ADAM32: variants seen among roughly 807,000 people sequenced by gnomAD.
ADAM32 encodes disintegrin and metalloproteinase domain-containing protein 32.
A neutral mutation model predicts 114.9 loss-of-function variants in ADAM32; 89 were observed. The observed-to-expected ratio is 0.77, with a 90% CI of 0.65 to 0.92. The LOEUF (loss-of-function observed/expected upper bound fraction) is 0.92. Ranked by LOEUF, ADAM32 falls within the 40% of genes least tolerant of loss-of-function variation. The pLI is 0.00. For synonymous variants in ADAM32, 285 were observed against 307.5 expected (o/e 0.93, Z 0.77); for missense variants, 870 against 932.8 (o/e 0.93, Z 0.88).
rs1554628771 is a variant in ADAM32 at position 39,270,864 on chromosome 8, A to G, written c.2163-12A>G. ...TAAGTACTAACATGAGACATTTTCA[A>G]TTTCTTTTTAGATCTAAATCGGAAG... On this transcript the variant is annotated splice_polypyrimidine_tract_variant and intron_variant, in intron 19 of 24. Coordinates refer to ENST00000379907, the MANE Select transcript of ADAM32 (RefSeq NM_145004.7). 5 of 1,600,928 alleles carry G rather than the reference A, an allele frequency of 3.1e-6. No homozygotes were observed. The highest frequency in any genetic ancestry group is 3.3e-4 in the Middle Eastern group (2 of 6,042).
chr8:39,195,607 G>C (rs1359741414), intron 11 of ADAM32, among the ~76,000 whole-genome samples: 1 of 152,120 alleles, frequency 6.6e-6, no homozygotes, highest in Non-Finnish European at 1.5e-5. Context: ...TTTTGTATGT[G>C]GTTAGAGATA....
chr8:39,183,899 A>C (rs1806063762), intron 10 of ADAM32, among the ~76,000 whole-genome samples: 1 of 152,262 alleles, frequency 6.6e-6, no homozygotes, highest in South Asian at 2.1e-4. Context: ...GTCGTGCTTC[A>C]GAATCACTGC....
intron 3 of ADAM32, among the ~76,000 whole-genome samples, chr8:39,145,019 T>C (rs1803413801): frequency 1.3e-5 from 2 of 152,094 alleles, no homozygotes; most frequent in East Asian, 3.8e-4. Context: ...TTCTATACAT[T>C]AATAAGAAAT....
At chr8:39,244,028 T>G (rs1810733473) in intron 16 of ADAM32, among the ~76,000 whole-genome samples, 1 of 152,114 alleles carries the variant, frequency 6.6e-6, no homozygotes. Flanking sequence ...TTCAACCCCT[T>G]TTATGGTAGG....
In ADAM32 at chr8:39,107,812, G is replaced by T; in HGVS notation, c.37G>T (p.Gly13Cys). 6.5e-7 allele frequency: 1 copy of T among 1,548,616 alleles called. No individual in the cohort carries two copies. ...CTGGTTGCTGCTGGCCGGGCTCTGC[G>T]GCCTCCTGGCGTCAAGACCCGGTGA... ...RLWLLLAGLC[G>C]LLASRPGFQN... The change falls in exon 1 of 25, where the codon GGC (glycine) becomes TGC (cysteine). Residue 13 changes from glycine (G) to cysteine (C), a missense_variant. Gly to Cys is a radical substitution (Grantham distance 159, BLOSUM62 -3). Transcript: ENST00000379907.
intron 11 of ADAM32, among the ~76,000 whole-genome samples, chr8:39,203,966 C>G (rs1165399685): frequency 6.6e-6 from 1 of 152,208 alleles, no homozygotes; most frequent in Non-Finnish European, 1.5e-5. Context: ...GGCCCCCACT[C>G]TCTTCTGGCT....
At chr8:39,135,725 G>A (rs536009922) in intron 2 of ADAM32, among the ~76,000 whole-genome samples, 89 of 152,220 alleles carry the variant, frequency 5.8e-4, no homozygotes, top group African/African-American at 2.0e-3. Context: ...ACAGTTCTGA[G>A]GAGGTCAGGT....
intron 6 of ADAM32, chr8:39,157,818 T>C (rs922377766): frequency 1.5e-5 from 14 of 937,170 alleles, no homozygotes; most frequent in Admixed American, 1.3e-4. Context: ...TGTCAGGTTA[T>C]AGTCAGTGGA....
chr8:39,237,518 T>C (rs1160878840), intron 16 of ADAM32, among the ~76,000 whole-genome samples: 2 of 151,392 alleles, frequency 1.3e-5, no homozygotes, highest in Non-Finnish European at 2.9e-5. Flanking sequence ...GGATATACAC[T>C]GGGCTGTGTT....
intron 11 of ADAM32, among the ~76,000 whole-genome samples, chr8:39,205,216 C>T (rs1416373783): frequency 6.6e-6 from 1 of 152,258 alleles, no homozygotes; most frequent in Non-Finnish European, 1.5e-5. Context: ...CTATGTGCTG[C>T]TCCCAGAGGT....
At chr8:39,240,506 G>T (rs1810488363) in intron 16 of ADAM32, among the ~76,000 whole-genome samples, 3 of 152,194 alleles carry the variant, frequency 2.0e-5, no homozygotes, top group Admixed American at 2.0e-4. Flanking sequence ...TAAGGTCATT[G>T]TCATTGTATT....
intron 20 of ADAM32, among the ~76,000 whole-genome samples, chr8:39,273,071 A>G (rs149917549): frequency 2.0e-5 from 3 of 152,272 alleles, no homozygotes; most frequent in East Asian, 1.9e-4. Flanking sequence ...TTCAGAATCA[A>G]TGACATACCT....
At chr8:39,275,592 G>A (rs1001765896) in intron 21 of ADAM32, among the ~76,000 whole-genome samples, 2 of 152,166 alleles carry the variant, frequency 1.3e-5, no homozygotes, top group African/African-American at 4.8e-5. Context: ...CAGTTTTCTT[G>A]TTCCTCTGCT....
intron 11 of ADAM32, 53 bp downstream of exon 11, chr8:39,187,098 A>C (rs75679033): frequency 2.7e-6 from 4 of 1,503,302 alleles, no homozygotes; most frequent in Non-Finnish European, 3.6e-6. Flanking sequence ...TTAAATATTC[A>C]GAGTGTGAAA....
chr8:39,274,201 A>AT, intron 20 of ADAM32, 111 bp from the exon 21 acceptor site: 1 of 993,000 alleles, frequency 1.0e-6, no homozygotes, highest in South Asian at 1.4e-5. Flanking sequence ...TTTATTAGTA[A>AT]TTAGTCTTTT....
intron 11 of ADAM32, among the ~76,000 whole-genome samples, chr8:39,204,682 C>T (rs547193143): frequency 4.6e-5 from 7 of 152,312 alleles, no homozygotes; most frequent in African/African-American, 1.7e-4. Flanking sequence ...GAGCTGTGTT[C>T]CTTTGGAGGG....
At chr8:39,238,368 A>G (rs1810333542) in intron 16 of ADAM32, among the ~76,000 whole-genome samples, 1 of 152,216 alleles carries the variant, frequency 6.6e-6, no homozygotes, top group African/African-American at 2.4e-5. Flanking sequence ...CCCTATCCCT[A>G]AGGGAAGGGA....
intron 6 of ADAM32, among the ~76,000 whole-genome samples, chr8:39,152,664 T>C (rs546835412): frequency 8.7e-4 from 129 of 147,618 alleles, no homozygotes; most frequent in African/African-American, 3.4e-3. Flanking sequence ...GAGGTTGCAG[T>C]GAGCTGAGAT....
At chr8:39,127,320 C>T (rs1225611149) in intron 2 of ADAM32, among the ~76,000 whole-genome samples, 1 of 151,992 alleles carries the variant, frequency 6.6e-6, no homozygotes, top group Non-Finnish European at 1.5e-5. Context: ...GGATTTTCTT[C>T]GTTGGTAGGC....
Sources: gnomAD v4.1 joint callset for allele counts (sites outside exome capture counted in the v4.1 genomes callset) on GRCh38, gnomAD v4.1.1 for gene constraint, MANE v1.5 for transcripts, NCBI Gene and HGNC (gene_info 2026-07-23, HGNC 2026-07-21) for gene names.